CAMKMT: variants seen among roughly 807,000 people sequenced by gnomAD.
The protein encoded by CAMKMT is CaM KMT.
CAMKMT carries 53 observed loss-of-function variants against 48.0 expected under a neutral mutation model. The ratio of observed to expected loss-of-function variants is 1.10; its 90% CI spans 0.89 to 1.39. The LOEUF (loss-of-function observed/expected upper bound fraction) is 1.39. Among genes scored for constraint, CAMKMT ranks in the 40% most tolerant of loss-of-function variants. The probability of loss-of-function intolerance (pLI) is 0.00; values close to 1 mark genes in which losing one functional copy is unlikely to be tolerated. For missense variants in CAMKMT, 428 were observed against 402.7 expected, an observed-to-expected ratio of 1.06 and a Z score of -0.54; for synonymous variants, 165 against 152.3, an observed-to-expected ratio of 1.08 and a Z score of -0.61.
intron 3 of CAMKMT, among the ~76,000 whole-genome samples, chr2:44,447,773 G>T (rs939837783): frequency 1.3e-5 from 2 of 152,178 alleles, no homozygotes; most frequent in African/African-American, 4.8e-5. Context: ...GTAGGTAGGG[G>T]CAGCAAATAT....
chr2:44,496,401 C>A (rs1669754538), intron 3 of CAMKMT, among the ~76,000 whole-genome samples: 2 of 152,150 alleles, frequency 1.3e-5, no homozygotes, highest in Non-Finnish European at 2.9e-5. Context: ...AACACGGGCA[C>A]CCTATTTATT....
chr2:44,445,150 A>G (rs1227587101), intron 3 of CAMKMT, among the ~76,000 whole-genome samples: 4 of 152,202 alleles, frequency 2.6e-5, no homozygotes, highest in Admixed American at 2.0e-4. Flanking sequence ...CTCCAAGGCT[A>G]CTGACAGTAG....
chr2:44,768,361 A>ATATATATATATATTTTTTT (rs35058824), intron 10 of CAMKMT, among the ~76,000 whole-genome samples: 3 of 115,744 alleles, frequency 2.6e-5, no homozygotes, highest in African/African-American at 1.1e-4. Context: ...ATATATATAT[A>ATATATATATATATTTTTTT]TTTTTTTTTT....
chr2:44,383,502 A>G lies in CAMKMT; in HGVS notation c.312-6739A>G, dbSNP rs542070116. 4.6e-5 allele frequency among the ~76,000 whole-genome samples: 7 copies of G among 151,868 alleles called. No individual in the cohort carries two copies. In the South Asian group the frequency reaches 1.5e-3, roughly 32 times the overall value. Reference sequence around the variant, plus strand: ...GTAATTTCAATTTTCATTTTTTTCCATAAGTTATTGGGGTATAGGTGGTAT... The same window carrying G: ...GTAATTTCAATTTTCATTTTTTTCCGTAAGTTATTGGGGTATAGGTGGTAT... On this transcript the variant is annotated intron_variant, in intron 2 of 10. Coordinates refer to ENST00000378494, the MANE Select transcript of CAMKMT (RefSeq NM_024766.5).
chr2:44,375,852 C>A (rs1198609537), intron 2 of CAMKMT, among the ~76,000 whole-genome samples: 3 of 151,896 alleles, frequency 2.0e-5, no homozygotes, highest in African/African-American at 7.3e-5. Context: ...GTAGCCCATT[C>A]TCAGCTTACT....
chr2:44,463,445 A>G (rs562823021), intron 3 of CAMKMT, among the ~76,000 whole-genome samples: 1 of 152,308 alleles, frequency 6.6e-6, no homozygotes, highest in South Asian at 2.1e-4. Flanking sequence ...AGGGAGGAAA[A>G]GCCCAACTCA....
At chr2:44,715,707 G>A (rs991870894) in intron 7 of CAMKMT, among the ~76,000 whole-genome samples, 3 of 152,154 alleles carry the variant, frequency 2.0e-5, no homozygotes, top group Non-Finnish European at 4.4e-5. Flanking sequence ...TTGCCCCCAA[G>A]GGGACTTTTG....
intron 3 of CAMKMT, among the ~76,000 whole-genome samples, chr2:44,521,071 A>C (rs1368845070): frequency 6.6e-6 from 1 of 152,180 alleles, no homozygotes. Flanking sequence ...TATCTTCAGC[A>C]TGTACCATGG....
chr2:44,763,504 C>G (rs1392561003), intron 9 of CAMKMT, among the ~76,000 whole-genome samples: 1 of 152,166 alleles, frequency 6.6e-6, no homozygotes, highest in Non-Finnish European at 1.5e-5. Context: ...ACTGAGAAAA[C>G]GTAGTGAATA....
rs189162271 is a variant in CAMKMT at position 44,608,653 on chromosome 2, C to T, written c.377-95630C>T. On this transcript the variant is annotated intron_variant, in intron 3 of 10. Coordinates refer to ENST00000378494, the MANE Select transcript of CAMKMT (RefSeq NM_024766.5). ...AAGTTTTCCTCCCTCTTGATTATCT[C>T]TCTCTCTTTCTCTTTTTGACAATTT... Among the ~76,000 whole-genome samples, 61 of 152,232 alleles carry T rather than the reference C, an allele frequency of 4.0e-4. No individual in the cohort carries two copies. In the Middle Eastern group the frequency reaches 0.02, roughly 51 times the overall value.
chr2:44,367,740 T>G lies in CAMKMT; in HGVS notation c.139-4976T>G, dbSNP rs113677823. ...AGAATGAAGAGCCTGTTATACTACTTTAAGCTGTACTCGATGTTTAAGATC... is the reference window on the plus strand; with the variant it reads ...AGAATGAAGAGCCTGTTATACTACTGTAAGCTGTACTCGATGTTTAAGATC... On this transcript the variant is annotated intron_variant, in intron 1 of 10. Coordinates refer to ENST00000378494, the MANE Select transcript of CAMKMT (RefSeq NM_024766.5). 3.2e-3 allele frequency among the ~76,000 whole-genome samples: 492 copies of G among 152,322 alleles called. 2 individuals carry two copies. The highest frequency in any genetic ancestry group is 0.027 in the Middle Eastern group (8 of 294).
chr2:44,366,205 A>G (rs1271454781), intron 1 of CAMKMT, among the ~76,000 whole-genome samples: 1 of 152,216 alleles, frequency 6.6e-6, no homozygotes, highest in African/African-American at 2.4e-5. Flanking sequence ...TATTTAATTG[A>G]TGACAAATTT....
At chr2:44,648,999 A>G (rs1452072998) in intron 3 of CAMKMT, among the ~76,000 whole-genome samples, 2 of 152,238 alleles carry the variant, frequency 1.3e-5, no homozygotes, top group South Asian at 2.1e-4. Context: ...TGAAGGGATT[A>G]AATGAGATAT....
At chr2:44,626,826 A>G (rs1672510461) in intron 3 of CAMKMT, among the ~76,000 whole-genome samples, 1 of 152,192 alleles carries the variant, frequency 6.6e-6, no homozygotes, top group Non-Finnish European at 1.5e-5. Flanking sequence ...ATGAATAAAG[A>G]CAATTTTACT....
rs886654345 is a variant in CAMKMT at position 44,653,599 on chromosome 2, A to C, written c.377-50684A>C. Among the ~76,000 whole-genome samples, 4 of 152,208 alleles carry C rather than the reference A, an allele frequency of 2.6e-5. No individual in the cohort carries two copies. The highest frequency in any genetic ancestry group is 9.6e-5 in the African/African-American group (4 of 41,460). On this transcript the variant is annotated intron_variant, in intron 3 of 10. Transcript: ENST00000378494. This position sits in a 1 kb window ranked among gnomAD's most constrained non-coding sequence, Gnocchi z 5.2. ...CCAAGGATTATAAAGGAATGGAGTT[A>C]TGCAGAAGGTATGCAGAGAAGGAGT...
intron 2 of CAMKMT, among the ~76,000 whole-genome samples, chr2:44,389,143 C>A (rs1006337257): frequency 2.6e-5 from 4 of 151,992 alleles, no homozygotes; most frequent in African/African-American, 9.7e-5. Context: ...CAGGGCTAGG[C>A]CTGTCTGAGC....
chr2:44,676,211 G>GCT (rs1243428607), intron 3 of CAMKMT, among the ~76,000 whole-genome samples: 3 of 151,450 alleles, frequency 2.0e-5, no homozygotes, highest in East Asian at 3.9e-4. Context: ...TCCCTCTCTC[G>GCT]CTCTCTCTCT....
intron 3 of CAMKMT, among the ~76,000 whole-genome samples, chr2:44,573,609 G>C (rs1669042805): frequency 6.6e-6 from 1 of 151,730 alleles, no homozygotes; most frequent in South Asian, 2.1e-4. Context: ...AAGTCTTCTG[G>C]CTTTTGTGTT....
chr2:44,730,655 A>G (rs567247068), intron 7 of CAMKMT, among the ~76,000 whole-genome samples: 114 of 152,338 alleles, frequency 7.5e-4, no homozygotes, highest in African/African-American at 2.5e-3. Flanking sequence ...CTTCTATGAT[A>G]TGGAAGTTTA....
Sources: gnomAD v4.1 joint callset for allele counts (sites outside exome capture counted in the v4.1 genomes callset) on GRCh38, gnomAD v4.1.1 for gene constraint, Gnocchi (gnomAD v3.1) non-coding constraint, MANE v1.5 for transcripts, NCBI Gene and HGNC (gene_info 2026-07-23, HGNC 2026-07-21) for gene names.